The following GTF2F2 variants were observed in gnomAD, a reference collection of about 807,000 sequenced individuals.
The protein encoded by GTF2F2 is general transcription factor IIF subunit 2, also known as ATP-dependent helicase GTF2F2.
GTF2F2 carries 23 observed loss-of-function variants against 42.2 expected under a neutral mutation model. The ratio of observed to expected loss-of-function variants is 0.55; its 90% CI spans 0.39 to 0.77. GTF2F2 has a LOEUF of 0.77. Ranked by LOEUF, GTF2F2 falls within the 30% of genes least tolerant of loss-of-function variation. GTF2F2 has a pLI of 0.00. For missense variants in GTF2F2, 261 were observed against 287.2 expected, an observed-to-expected ratio of 0.91 and a Z score of 0.66; for synonymous variants, 105 against 100.8, an observed-to-expected ratio of 1.04 and a Z score of -0.25.
chr13:45,156,439 CCT>C (rs1454149129), intron 4 of GTF2F2, among the ~76,000 whole-genome samples: 5 of 152,166 alleles, frequency 3.3e-5, no homozygotes, highest in Non-Finnish European at 7.3e-5. Context: ...TACCTGTCAT[CCT>C]CTGTCATAGC....
intron 1 of GTF2F2, among the ~76,000 whole-genome samples, chr13:45,132,925 G>A (rs1228685582): frequency 1.3e-5 from 2 of 152,096 alleles, no homozygotes; most frequent in Non-Finnish European, 2.9e-5. Context: ...GTTGCCAGGT[G>A]TCACTAAGGG....
At position 45,120,654 on chromosome 13, in the gene GTF2F2, C is replaced by G; in HGVS notation, c.-2C>G. 1 of 1,557,106 alleles carries G rather than the reference C, an allele frequency of 6.4e-7. No individual in the cohort carries two copies. The highest frequency in any genetic ancestry group is 8.7e-7 in the Non-Finnish European group (1 of 1,149,562). On this transcript the variant is annotated 5_prime_UTR_variant, in exon 1 of 8. Coordinates refer to ENST00000340473, the MANE Select transcript of GTF2F2 (RefSeq NM_004128.3). ...CCGCACGCCTCCACCGGCTGCAGAC[C>G]CATGGCCGAGCGCGGGGAACTCGAC...
chr13:45,138,450 A>G (rs1869748090), intron 2 of GTF2F2, among the ~76,000 whole-genome samples: 2 of 152,154 alleles, frequency 1.3e-5, no homozygotes, highest in African/African-American at 4.8e-5. Flanking sequence ...AGAGTTAACC[A>G]CAGACCAAGA....
intron 7 of GTF2F2, 132 bp from the exon 8 acceptor site, chr13:45,283,310 A>C: frequency 1.4e-6 from 1 of 690,482 alleles, no homozygotes; most frequent in Non-Finnish European, 2.3e-6. Context: ...ACCTCCTTAT[A>C]GAGAAATCTT....
chr13:45,269,336 A>G (rs1010978374), intron 7 of GTF2F2, among the ~76,000 whole-genome samples: 11 of 152,176 alleles, frequency 7.2e-5, no homozygotes, highest in Non-Finnish European at 1.5e-5. Context: ...CGTCATTTAT[A>G]GTGAGGTTGG....
chr13:45,234,213 C>CTATAATAATAGTCA lies in GTF2F2; in HGVS notation c.387-18656_387-18643dup, dbSNP rs576208919. Among the ~76,000 whole-genome samples the CTATAATAATAGTCA allele has an allele frequency of 9.2e-5, 14 of 152,246 alleles. No homozygotes were observed. The South Asian group carries it at 2.7e-3, about 29-fold the overall frequency. ...ACATTTTTATACATTTGTTTTGGTC[C>CTATAATAATAGTCA]TATAATAATAGTCATTCTGTGACTA... is the stretch of plus-strand genomic sequence containing the variant. On this transcript the variant is annotated intron_variant, in intron 5 of 7. Coordinates refer to ENST00000340473, the MANE Select transcript of GTF2F2 (RefSeq NM_004128.3).
At chr13:45,233,164 C>T (rs1229858882) in intron 5 of GTF2F2, among the ~76,000 whole-genome samples, 2 of 152,116 alleles carry the variant, frequency 1.3e-5, no homozygotes, top group Non-Finnish European at 2.9e-5. Flanking sequence ...AGGCTTGAGC[C>T]CAGAAGTTTG....
chr13:45,193,166 A>T (rs1388311989), intron 4 of GTF2F2: 2 of 152,262 alleles, frequency 1.3e-5, no homozygotes, highest in African/African-American at 4.8e-5. Context: ...TTTCAGCAAA[A>T]TACCAATTCA....
At chr13:45,240,809 CAA>C (rs1363345391) in intron 5 of GTF2F2, among the ~76,000 whole-genome samples, 1 of 150,978 alleles carries the variant, frequency 6.6e-6, no homozygotes, top group Non-Finnish European at 1.5e-5. Flanking sequence ...GCCTGGGTGA[CAA>C]GAGGAAAACT....
At chr13:45,163,358 T>G (rs1254104844) in intron 4 of GTF2F2, among the ~76,000 whole-genome samples, 1 of 151,906 alleles carries the variant, frequency 6.6e-6, no homozygotes, top group Non-Finnish European at 1.5e-5. Flanking sequence ...AACATGGTGA[T>G]TCCCCATCTC....
chr13:45,171,466 G>T (rs1871596865), intron 4 of GTF2F2, among the ~76,000 whole-genome samples: 1 of 152,068 alleles, frequency 6.6e-6, no homozygotes, highest in Admixed American at 6.5e-5. Flanking sequence ...ATACCATTTT[G>T]TACCTTTGCA....
rs188933036 is a variant in GTF2F2 at position 45,224,778 on chromosome 13, T to G, written c.386+17273T>G. 1.2e-4 allele frequency among the ~76,000 whole-genome samples: 18 copies of G among 152,376 alleles called. No individual in the cohort carries two copies. The East Asian group carries it at 3.5e-3, about 29-fold the overall frequency. On this transcript the variant is annotated intron_variant, in intron 5 of 7. Transcript: ENST00000340473. ...TGATTGCCAAAGCTTGTTTTTCTGA[T>G]TTTTATTCAAATCTCTATCATGGAT...
At chr13:45,145,649 T>C (rs928714503) in intron 2 of GTF2F2, among the ~76,000 whole-genome samples, 9 of 152,252 alleles carry the variant, frequency 5.9e-5, no homozygotes, top group African/African-American at 2.2e-4. Flanking sequence ...CTTTTCTTAC[T>C]TGTGCTTCTT....
At chr13:45,184,392 C>CA (rs1872315747) in intron 4 of GTF2F2, among the ~76,000 whole-genome samples, 1 of 148,860 alleles carries the variant, frequency 6.7e-6, no homozygotes, top group Non-Finnish European at 1.5e-5. Flanking sequence ...TTATTCCCCC[C>CA]CGCCCTTTTT....
intron 7 of GTF2F2, among the ~76,000 whole-genome samples, chr13:45,270,941 C>T (rs1876761854): frequency 2.0e-5 from 3 of 152,156 alleles, no homozygotes; most frequent in Admixed American, 6.5e-5. Context: ...TATCTAACAG[C>T]GTTCATTTAC....
chr13:45,270,327 G>C (rs1049117263), intron 7 of GTF2F2, among the ~76,000 whole-genome samples: 2 of 152,064 alleles, frequency 1.3e-5, no homozygotes, highest in Non-Finnish European at 2.9e-5. Context: ...ATCTTAGTCT[G>C]TTTTTTGTTA....
intron 4 of GTF2F2, among the ~76,000 whole-genome samples, chr13:45,177,956 GTATATAC>G (rs774574014): frequency 1.3e-5 from 2 of 152,066 alleles, no homozygotes; most frequent in African/African-American, 2.4e-5. Context: ...TTTCCTGTGA[GTATATAC>G]AAATTTTTTT....
At chr13:45,207,582 T>C (rs1873470941) in intron 5 of GTF2F2, 77 bp downstream of exon 5, 6 of 868,320 alleles carry the variant, frequency 6.9e-6, no homozygotes, top group Admixed American at 3.9e-5. Flanking sequence ...TATCGCCTAT[T>C]GACTGCATTA....
At chr13:45,132,542 ATAATCTTATGTAACC>A (rs919265634) in intron 1 of GTF2F2, among the ~76,000 whole-genome samples, 111 of 152,196 alleles carry the variant, frequency 7.3e-4, no homozygotes, top group African/African-American at 2.5e-3. Flanking sequence ...GACAGAAGTT[ATAATCTTATGTAACC>A]TAATTACAGA....
Sources: gnomAD v4.1 joint callset for allele counts (sites outside exome capture counted in the v4.1 genomes callset) on GRCh38, gnomAD v4.1.1 for gene constraint, MANE v1.5 for transcripts, NCBI Gene and HGNC (gene_info 2026-07-23, HGNC 2026-07-21) for gene names.